The following GRIK2 variants were observed in gnomAD, a reference collection of about 807,000 sequenced individuals.
The protein encoded by GRIK2 is glutamate ionotropic receptor kainate type subunit 2.
A neutral mutation model predicts 100.3 loss-of-function variants in GRIK2; 32 were observed. The observed-to-expected ratio is 0.32, with a 90% CI of 0.24 to 0.43. The LOEUF (loss-of-function observed/expected upper bound fraction) is 0.43. GRIK2 is among the 20% of genes least tolerant of loss of function. The pLI is 1.00. For synonymous variants in GRIK2, 417 were observed against 389.4 expected (o/e 1.07, Z -0.83); for missense variants, 843 against 1,114.9 (o/e 0.76, Z 3.47).
chr6:101,531,037 A>T (rs1287674673), intron 2 of GRIK2, among the ~76,000 whole-genome samples: 1 of 152,008 alleles, frequency 6.6e-6, no homozygotes, highest in Non-Finnish European at 1.5e-5. Context: ...CTCTTATTTC[A>T]TTGTATGTAG....
chr6:101,721,882 A>G (rs1436368765), intron 7 of GRIK2, among the ~76,000 whole-genome samples: 1 of 152,020 alleles, frequency 6.6e-6, no homozygotes. Flanking sequence ...AAAAGAAATT[A>G]CTTCTTAATT....
chr6:101,469,232 A>G (rs552366597), intron 2 of GRIK2, among the ~76,000 whole-genome samples: 1 of 152,276 alleles, frequency 6.6e-6, no homozygotes, highest in Non-Finnish European at 1.5e-5. Context: ...GATCTAAACT[A>G]TTTTCACACG....
rs1780725683 is a variant in GRIK2, at chr6:101,802,324, C to G, written c.1096-7C>G. 5 of 1,303,722 alleles carry G rather than the reference C, an allele frequency of 3.8e-6. No individual in the cohort carries two copies. The highest frequency in any genetic ancestry group is 5.4e-6 in the Non-Finnish European group (5 of 922,892). The allele number at this position is 1,303,722 out of a possible 1,614,324, so 80.8% of individuals were successfully genotyped here. A position where few individuals can be genotyped will look rare whatever the true frequency, so the allele number is the denominator to read the frequency against. On this transcript the variant is annotated splice_region_variant and splice_polypyrimidine_tract_variant and intron_variant, in intron 8 of 16. Transcript: ENST00000369134. ...TATTTATTATCAATGTTTTTCTATTCCCATAGGCACATTGGGAAGGCCTCA... is the reference window on the plus strand; with the variant it reads ...TATTTATTATCAATGTTTTTCTATTGCCATAGGCACATTGGGAAGGCCTCA...
At chr6:101,797,874 G>A (rs1283217358) in intron 7 of GRIK2, among the ~76,000 whole-genome samples, 3 of 148,992 alleles carry the variant, frequency 2.0e-5, no homozygotes, top group Non-Finnish European at 3.0e-5. Context: ...TGCTGGAAAT[G>A]CAGTTCTGTA....
chr6:101,623,200 C>A (rs1780248973), intron 3 of GRIK2, among the ~76,000 whole-genome samples: 1 of 151,966 alleles, frequency 6.6e-6, no homozygotes, highest in Admixed American at 6.6e-5. Context: ...TTAATGGTAG[C>A]TGACAAGGTA....
chr6:101,676,929 T>C (rs1770883478), intron 5 of GRIK2, 125 bp downstream of exon 5: 3 of 574,890 alleles, frequency 5.2e-6, no homozygotes, highest in South Asian at 2.8e-5. Flanking sequence ...AATTTTATGA[T>C]AGAAAGTCTG....
At chr6:101,529,807 G>C (rs960709246) in intron 2 of GRIK2, among the ~76,000 whole-genome samples, 1 of 152,086 alleles carries the variant, frequency 6.6e-6, no homozygotes, top group South Asian at 2.1e-4. Flanking sequence ...ATTATTTCTA[G>C]CTGGGGAATT....
intron 2 of GRIK2, among the ~76,000 whole-genome samples, chr6:101,609,458 C>T (rs1779578635): frequency 6.6e-6 from 1 of 151,874 alleles, no homozygotes; most frequent in African/African-American, 2.4e-5. Flanking sequence ...TTGTAATTAA[C>T]AAAAGGCTTT....
At chr6:102,018,054 TTG>T (rs1769213446) in intron 14 of GRIK2, among the ~76,000 whole-genome samples, 1 of 152,150 alleles carries the variant, frequency 6.6e-6, no homozygotes, top group Non-Finnish European at 1.5e-5. Context: ...CTCTTCAAAC[TTG>T]TGTTTTTGCA....
intron 2 of GRIK2, among the ~76,000 whole-genome samples, chr6:101,595,958 T>A (rs1437829174): frequency 2.5e-5 from 2 of 79,258 alleles, no homozygotes; most frequent in Non-Finnish European, 4.8e-5. Flanking sequence ...CATTAAAATT[T>A]TTTTTTTTTT....
intron 6 of GRIK2, among the ~76,000 whole-genome samples, chr6:101,683,510 A>T (rs10485273): frequency 0.62 from 94,755 of 151,988 alleles, 31,393 homozygotes; most frequent in Non-Finnish European, 0.75. Context: ...TGTTATCAAT[A>T]CATTATCCTG....
At chr6:101,862,504 T>C (rs111428953) in intron 11 of GRIK2, among the ~76,000 whole-genome samples, 5 of 152,262 alleles carry the variant, frequency 3.3e-5, no homozygotes, top group African/African-American at 1.2e-4. Flanking sequence ...TCATAGTTCA[T>C]TGCAGCCTTG....
rs1258631059 is a variant in GRIK2 at position 101,664,056 on chromosome 6, G to C, written c.542-12567G>C. Among the ~76,000 whole-genome samples the C allele has an allele frequency of 5.3e-5, 8 of 152,180 alleles. No individual in the cohort carries two copies. In the East Asian group the frequency reaches 1.2e-3, roughly 22 times the overall value. ...AGGTAACAGAGGAAAAGAGAACAGA[G>C]AAACAAAGAATTCCTTGTTTCAACC... On this transcript the variant is annotated intron_variant, in intron 4 of 16. Transcript: ENST00000369134.
chr6:102,056,711 GA>G (rs1771478710), intron 16 of GRIK2, among the ~76,000 whole-genome samples: 1 of 151,632 alleles, frequency 6.6e-6, no homozygotes. Flanking sequence ...AAATATTTTT[GA>G]AAATAAAAAT....
chr6:101,588,942 T>C (rs1347567587), intron 2 of GRIK2, among the ~76,000 whole-genome samples: 1 of 151,854 alleles, frequency 6.6e-6, no homozygotes, highest in Admixed American at 6.6e-5. Context: ...AATGGCACAA[T>C]GTAAGGTGGT....
intron 14 of GRIK2, among the ~76,000 whole-genome samples, chr6:101,977,237 T>G (rs201834218): frequency 3.2e-5 from 1 of 31,664 alleles, no homozygotes; most frequent in Non-Finnish European, 1.5e-4. Flanking sequence ...GTGGCTATGT[T>G]ATGTTATGTT....
At chr6:101,780,484 C>A (rs956023982) in intron 7 of GRIK2, among the ~76,000 whole-genome samples, 2 of 152,078 alleles carry the variant, frequency 1.3e-5, no homozygotes, top group African/African-American at 4.8e-5. Context: ...TTAGAACATA[C>A]GGTCTTTGTG....
intron 14 of GRIK2, among the ~76,000 whole-genome samples, chr6:101,992,761 A>G (rs1794443272): frequency 6.6e-6 from 1 of 151,610 alleles, no homozygotes; most frequent in Non-Finnish European, 1.5e-5. Context: ...CTAAACTTTT[A>G]AAAAATCAAC....
At chr6:101,501,951 T>C (rs1452984148) in intron 2 of GRIK2, among the ~76,000 whole-genome samples, 1 of 152,038 alleles carries the variant, frequency 6.6e-6, no homozygotes. Context: ...GAGATGAGGT[T>C]TCAGAATATT....
Sources: allele counts gnomAD v4.1 joint callset (sites outside exome capture counted in the v4.1 genomes callset), GRCh38; gene constraint gnomAD v4.1.1; transcripts MANE v1.5; gene names NCBI Gene and HGNC (gene_info 2026-07-23, HGNC 2026-07-21).